The following COPA variants were observed in gnomAD, a reference collection of about 807,000 sequenced individuals.
COPA encodes the protein coatomer subunit alpha.
Under a neutral mutation model 158.7 loss-of-function variants are expected in COPA, and 10 were observed. The ratio of observed to expected loss-of-function variants is 0.06; its 90% CI spans 0.04 to 0.11. The LOEUF is 0.11. Ranked by LOEUF, COPA falls within the 10% of genes least tolerant of loss-of-function variation. The probability of loss-of-function intolerance (pLI) is 1.00; values close to 1 mark genes in which losing one functional copy is unlikely to be tolerated. For missense variants in COPA, 1,065 were observed against 1,536.7 expected (o/e 0.69, Z 5.13); for synonymous variants, 462 against 542.8 (o/e 0.85, Z 2.07).
At chr1:160,323,673 T>C (rs1187435197) in intron 7 of COPA, 143 bp from the exon 8 acceptor site, 5 of 473,094 alleles carry the variant, frequency 1.1e-5, no homozygotes, top group Non-Finnish European at 1.7e-5. Flanking sequence ...CTCTAAAATT[T>C]TGAGCATCAG....
intron 5 of COPA, 94 bp from the exon 6 acceptor site, chr1:160,332,651 C>A: frequency 1.2e-6 from 1 of 845,274 alleles, no homozygotes; most frequent in Non-Finnish European, 1.8e-6. Flanking sequence ...AAATGCTTAT[C>A]CAGTTTTACT....
rs2101822622 is a variant in COPA, at chr1:160,293,370, G to T, written c.2754+16C>A. On this transcript the variant is annotated intron_variant, in intron 26 of 32. Coordinates refer to ENST00000241704, the MANE Select transcript of COPA (RefSeq NM_004371.4). ...TAGCCACTCATCCCTGCCGTGCTAG[G>T]TTTCTTCCCGCTTACCTGAGTTGGA... The T allele has an allele frequency of 6.2e-7, 1 of 1,613,426 alleles. No homozygotes were observed. The highest frequency in any genetic ancestry group is 1.7e-5 in the Admixed American group (1 of 59,900).
At chr1:160,328,231 A>G (rs1647349629) in intron 6 of COPA, among the ~76,000 whole-genome samples, 1 of 152,224 alleles carries the variant, frequency 6.6e-6, no homozygotes, top group African/African-American at 2.4e-5. Flanking sequence ...TGGTATATGA[A>G]ACAGATTCAA....
At chr1:160,333,506 T>C in intron 5 of COPA, 97 bp downstream of exon 5, 1 of 835,196 alleles carries the variant, frequency 1.2e-6, no homozygotes, top group Non-Finnish European at 1.9e-6. Flanking sequence ...GCCGACATAG[T>C]CCATTTGAGA....
intron 21 of COPA, among the ~76,000 whole-genome samples, chr1:160,296,555 G>C (rs916948477): frequency 2.0e-5 from 3 of 152,182 alleles, no homozygotes; most frequent in African/African-American, 7.2e-5. Context: ...TTCTCTCCCC[G>C]GTGAGTCTTC....
intron 12 of COPA, 113 bp from the exon 13 acceptor site, chr1:160,309,289 C>T (rs1658888922): frequency 2.5e-6 from 2 of 790,960 alleles, no homozygotes; most frequent in Non-Finnish European, 4.3e-6. Context: ...AATCTGAAAC[C>T]ATACTTTTCT....
At chr1:160,306,585 T>G in intron 14 of COPA, 92 bp from the exon 15 acceptor site, 1 of 1,491,240 alleles carries the variant, frequency 6.7e-7, no homozygotes, top group Non-Finnish European at 9.3e-7. Flanking sequence ...GTTCCTTAGC[T>G]TCAATTAACT....
rs1466873949 is a variant in COPA, at chr1:160,294,466, G to C, written c.2676+18C>G. 6.2e-7 allele frequency: 1 copy of C among 1,606,804 alleles called. No homozygotes were observed. Among genetic ancestry groups the C allele is most frequent in the South Asian group, 1.1e-5 (1 of 90,922 alleles). ...GGAGATACGGAGAGAACCTTCTAAGGGTACAAATTCCACATACCAGCTCAG... is the reference window on the plus strand; with the variant it reads ...GGAGATACGGAGAGAACCTTCTAAGCGTACAAATTCCACATACCAGCTCAG... On this transcript the variant is annotated intron_variant, in intron 25 of 32. Coordinates refer to ENST00000241704, the MANE Select transcript of COPA (RefSeq NM_004371.4).
At chr1:160,325,111 C>T (rs184756466) in intron 7 of COPA, among the ~76,000 whole-genome samples, 119 of 150,568 alleles carry the variant, frequency 7.9e-4, no homozygotes, top group African/African-American at 2.8e-3. Context: ...ATATCTACTT[C>T]AGTGGGTAGC....
intron 8 of COPA, among the ~76,000 whole-genome samples, chr1:160,320,075 T>C (rs1044875825): frequency 4.0e-5 from 6 of 151,830 alleles, no homozygotes; most frequent in African/African-American, 1.2e-4. Context: ...AAATACAGAC[T>C]ATCAATGAAA....
intron 17 of COPA, among the ~76,000 whole-genome samples, chr1:160,303,486 A>C (rs753550439): frequency 6.6e-6 from 1 of 152,188 alleles, no homozygotes; most frequent in Non-Finnish European, 1.5e-5. Context: ...GTCCTTATGG[A>C]AAAAGTGGGA....
chr1:160,342,724 GCTA>G (rs1225440207), intron 1 of COPA, among the ~76,000 whole-genome samples: 19 of 152,132 alleles, frequency 1.2e-4, no homozygotes, highest in Admixed American at 1.2e-3. Flanking sequence ...CTCCAAAAAG[GCTA>G]CTGACTCGGG....
chr1:160,335,550 G>C (rs769426040), intron 3 of COPA, among the ~76,000 whole-genome samples: 2 of 152,100 alleles, frequency 1.3e-5, no homozygotes, highest in Non-Finnish European at 2.9e-5. Context: ...AACAACATGG[G>C]GTTGGGGTAG....
chr1:160,325,456 T>C lies in COPA; in HGVS notation c.606+87A>G, dbSNP rs894222180. The C allele has an allele frequency of 7.2e-6, 8 of 1,117,606 alleles. No individual in the cohort carries two copies. The Admixed American group carries it at 1.1e-4, about 15-fold the overall frequency. 69.2% of individuals were successfully genotyped at this position (1,117,606 alleles called of 1,614,324 possible). On this transcript the variant is annotated intron_variant, in intron 7 of 32. Transcript: ENST00000241704. ...ACTTAATAAGCACTCTGTAAATATT[T>C]GTTGAAGGAATGAATAAATGAACAA...
At position 160,313,244 on chromosome 1, in the gene COPA, G is replaced by C. The variant is rs1162401403; in HGVS notation, c.843-77C>G. On this transcript the variant is annotated intron_variant, in intron 9 of 32. Coordinates refer to ENST00000241704, the MANE Select transcript of COPA (RefSeq NM_004371.4). ...CCATCCTACACAAGAATATTAAATGGTAAGCCAGCAAGCTGATTAAAATGT... is the reference window on the plus strand; with the variant it reads ...CCATCCTACACAAGAATATTAAATGCTAAGCCAGCAAGCTGATTAAAATGT... 3 of 1,293,782 alleles carry C rather than the reference G, an allele frequency of 2.3e-6. No individual in the cohort carries two copies. The East Asian group carries it at 7.1e-5, about 31-fold the overall frequency. 80.1% of individuals were successfully genotyped at this position (1,293,782 alleles called of 1,614,324 possible).
intron 8 of COPA, among the ~76,000 whole-genome samples, chr1:160,318,489 A>C (rs1557870055): frequency 4.4e-5 from 3 of 67,736 alleles, no homozygotes; most frequent in East Asian, 3.6e-4. Context: ...AAAAAAAAAA[A>C]AACAAAAAAA....
In COPA at chr1:160,317,787, C is replaced by T. The variant is rs568519893; in HGVS notation, c.707-3662G>A. ...TTCTTTTGTAATGTGGTGTTAAAAA[C>T]GGAATTGAAAACTGGCACCCCATCT... On this transcript the variant is annotated intron_variant, in intron 8 of 32. Transcript: ENST00000241704. 2.7e-4 allele frequency: 259 copies of T among 946,838 alleles called. 6 individuals carry two copies. In the South Asian group the frequency reaches 2.8e-3, roughly 10 times the overall value. 58.7% of individuals were successfully genotyped at this position (946,838 alleles called of 1,614,324 possible).
At chr1:160,302,068 A>T (rs1326209182) in intron 17 of COPA, among the ~76,000 whole-genome samples, 1 of 152,086 alleles carries the variant, frequency 6.6e-6, no homozygotes, top group Non-Finnish European at 1.5e-5. Flanking sequence ...AAATATAGTA[A>T]TATATAAGTA....
At chr1:160,329,217 AG>A (rs1647393895) in intron 6 of COPA, among the ~76,000 whole-genome samples, 1 of 152,238 alleles carries the variant, frequency 6.6e-6, no homozygotes, top group Non-Finnish European at 1.5e-5. Context: ...ACTCTGGTTA[AG>A]GGGTTACTGG....
Sources: allele counts gnomAD v4.1 joint callset (sites outside exome capture counted in the v4.1 genomes callset), GRCh38; gene constraint gnomAD v4.1.1; transcripts MANE v1.5; gene names NCBI Gene and HGNC (gene_info 2026-07-23, HGNC 2026-07-21).